Variants in TYK2 observed in about 807,000 individuals in gnomAD.
TYK2 encodes the protein tyrosine kinase 2, also known as non-receptor tyrosine-protein kinase TYK2.
Under a neutral mutation model 130.9 loss-of-function variants are expected in TYK2, and 65 were observed. The observed-to-expected ratio is 0.50, with a 90% CI of 0.41 to 0.61. The LOEUF is 0.61. TYK2 is among the 20% of genes least tolerant of loss of function. TYK2 has a pLI of 0.00. For missense variants in TYK2, 1,378 were observed against 1,610.7 expected (o/e 0.86, Z 2.47); for synonymous variants, 647 against 658.9 (o/e 0.98, Z 0.28).
chr19:10,368,586 A>G lies in TYK2; in HGVS notation c.194-168T>C, dbSNP rs760765295. ...GCAGAGGACAGTGCGTATGTTGCCC[A>G]TGCTGTGGCCTCACAGGAGGACTAC... On this transcript the variant is annotated intron_variant, in intron 3 of 24. Coordinates refer to ENST00000525621, the MANE Select transcript of TYK2 (RefSeq NM_003331.5). 2.5e-5 allele frequency: 23 copies of G among 922,426 alleles called. No individual in the cohort carries two copies. The East Asian group carries it at 6.0e-4, about 24-fold the overall frequency. 57.1% of individuals were successfully genotyped at this position (922,426 alleles called of 1,614,324 possible). A position where few individuals can be genotyped will look rare whatever the true frequency, so the allele number is the denominator to read the frequency against.
chr19:10,365,429 C>T (rs12720268), intron 7 of TYK2, 88 bp downstream of exon 7: 9 of 1,587,432 alleles, frequency 5.7e-6, no homozygotes, highest in East Asian at 4.5e-5. Context: ...TCAGGTCAGC[C>T]ACCCTCAGAG....
chr19:10,379,390 C>T (rs993084197), intron 2 of TYK2, among the ~76,000 whole-genome samples: 2 of 149,814 alleles, frequency 1.3e-5, no homozygotes, highest in Middle Eastern at 3.5e-3. Context: ...GGGCCAGGCG[C>T]GGTGGCTCAT....
chr19:10,369,105 G>C (rs978215441), intron 3 of TYK2, among the ~76,000 whole-genome samples: 2 of 152,198 alleles, frequency 1.3e-5, no homozygotes, highest in Admixed American at 1.3e-4. Context: ...CACTGTGCTC[G>C]GCCGATTTTA....
chr19:10,354,010 CAA>C, intron 20 of TYK2, 30 bp downstream of exon 20: 2 of 1,611,218 alleles, frequency 1.2e-6, no homozygotes, highest in Non-Finnish European at 1.7e-6. Flanking sequence ...CACGCCCCCT[CAA>C]GTCTCTAGGA....
intron 3 of TYK2, among the ~76,000 whole-genome samples, chr19:10,369,429 G>A (rs2041817772): frequency 1.3e-5 from 2 of 151,790 alleles, no homozygotes; most frequent in Non-Finnish European, 2.9e-5. Flanking sequence ...TGCAATCCTA[G>A]CTCACTGCAG....
At chr19:10,378,567 CCTCT>C (rs1407665337) in intron 2 of TYK2, 141 bp from the exon 3 acceptor site, 47 of 667,986 alleles carry the variant, frequency 7.0e-5, no homozygotes, top group Non-Finnish European at 1.1e-4. Context: ...GACCCGATTC[CCTCT>C]CTGAGTCTCG....
At position 10,378,293 on chromosome 19, in the gene TYK2, G is replaced by A. The variant is rs56295652; in HGVS notation, c.114C>T (p.Gly38=). The A allele has an allele frequency of 2.9e-5, 47 of 1,612,736 alleles. 1 individual carries two copies. The Admixed American group carries it at 4.0e-4, about 14-fold the overall frequency. The part of the protein sequence containing the change: ...LKVLLHWAGP[G]GGEPWVTFSE... ...TGAAAGTGACCCAGGGCTCCCCGCC[G>A]CCTGGACCAGCCCAGTGCAGAAGCA... The change falls in exon 3 of 25, where the codon GGC becomes GGT. Residue 38 remains glycine, a synonymous_variant. Transcript: ENST00000525621.
intron 5 of TYK2, among the ~76,000 whole-genome samples, chr19:10,367,350 G>A (rs774857118): frequency 3.3e-5 from 5 of 152,054 alleles, no homozygotes; most frequent in Non-Finnish European, 7.4e-5. Context: ...TCTTGGCTGG[G>A]CATGGTGGCT....
In TYK2 at chr19:10,357,815, C is replaced by T. The variant is rs2041176899; in HGVS notation, c.2415G>A (p.Leu805=). 3 of 1,613,568 alleles carry T rather than the reference C, an allele frequency of 1.9e-6. No homozygotes were observed. Among genetic ancestry groups the T allele is most frequent in the Non-Finnish European group, 1.7e-6 (2 of 1,179,956 alleles). The change falls in exon 17 of 25, where the codon CTG becomes CTA. Residue 805 remains leucine, a synonymous_variant. Transcript: ENST00000525621. ...GGGCCTCTCCGTCAAAGCAGATCTCCAGGAGGGTGGCGCCAAACCCCCACT... is the reference window on the plus strand; with the variant it reads ...GGGCCTCTCCGTCAAAGCAGATCTCTAGGAGGGTGGCGCCAAACCCCCACT... ...MDKWGFGATL[L]EICFDGEAPL...
chr19:10,380,461 T>G lies in TYK2; in HGVS notation c.-267A>C, dbSNP rs1332884103. On this transcript the variant is annotated 5_prime_UTR_variant, in exon 1 of 25. Transcript: ENST00000525621. ...AGCGCAGCCAGTCCCCGCGGCTTCTTCCTGAGGACCTCCGGCCGCGCTCCT... is the reference window on the plus strand; with the variant it reads ...AGCGCAGCCAGTCCCCGCGGCTTCTGCCTGAGGACCTCCGGCCGCGCTCCT... The G allele has an allele frequency of 3.9e-5, 6 of 152,554 alleles. No homozygotes were observed. The highest frequency in any genetic ancestry group is 8.8e-5 in the Non-Finnish European group (6 of 68,188). The allele number at this position is 152,554 out of a possible 1,614,324, so 9.5% of individuals were successfully genotyped here.
Position 10,359,327 on chromosome 19 carries a change from G to A in TYK2, c.2048-25C>T, listed in dbSNP as rs748710102. ...TCTGTAAAGACACAGCTGCTCTGGG[G>A]CAACCTGCCTGCTTCTGCCCTCTGG... is the stretch of plus-strand genomic sequence containing the variant. On this transcript the variant is annotated intron_variant, in intron 14 of 24. Coordinates refer to ENST00000525621, the MANE Select transcript of TYK2 (RefSeq NM_003331.5). The A allele has an allele frequency of 3.1e-6, 5 of 1,607,532 alleles. No homozygotes were observed. The East Asian group carries it at 6.7e-5, about 22-fold the overall frequency.
intron 18 of TYK2, 144 bp from the exon 19 acceptor site, chr19:10,354,753 C>A (rs2041001387): frequency 1.4e-6 from 1 of 712,724 alleles, no homozygotes; most frequent in African/African-American, 1.7e-5. Context: ...CTGAAAGAGT[C>A]CACTTATTGT....
At chr19:10,377,603 G>A (rs1490528162) in intron 3 of TYK2, among the ~76,000 whole-genome samples, 2 of 92,938 alleles carry the variant, frequency 2.2e-5, no homozygotes, top group Admixed American at 1.2e-4. Flanking sequence ...TGAATGGATG[G>A]ATGGGTGGAT....
Position 10,364,919 on chromosome 19 carries a change from G to A in TYK2, c.1141C>T (p.Arg381Trp), listed in dbSNP as rs201240289. The A allele has an allele frequency of 2.2e-4, 363 of 1,614,206 alleles. No individual in the cohort carries two copies. Among genetic ancestry groups the A allele is most frequent in the South Asian group, 2.0e-4 (18 of 91,088 alleles). Residue 381 changes from arginine (R) to tryptophan (W), a missense_variant, in exon 8 of 25, where the codon CGG (arginine) becomes TGG (tryptophan). Arg to Trp is a moderately radical substitution (Grantham distance 101). Transcript: ENST00000525621. The surrounding 1 kb of genome is among the most constrained non-coding windows in gnomAD (Gnocchi z 4.9). ...TTCAGCACCACGTGGGTGATGTCCCGGAAGTCACAGAAGTAGGCCCACAGT... is the reference window on the plus strand; with the variant it reads ...TTCAGCACCACGTGGGTGATGTCCCAGAAGTCACAGAAGTAGGCCCACAGT... ...EPLWAYFCDF[R>W]DITHVVLKEH...
intron 3 of TYK2, among the ~76,000 whole-genome samples, chr19:10,370,437 C>G (rs1177727218): frequency 6.6e-6 from 1 of 151,392 alleles, no homozygotes; most frequent in Non-Finnish European, 1.5e-5. Context: ...TCGCTTGAAC[C>G]CGGGAGGTGG....
intron 3 of TYK2, among the ~76,000 whole-genome samples, chr19:10,377,964 G>A (rs1171011999): frequency 7.6e-6 from 1 of 130,946 alleles, no homozygotes; most frequent in African/African-American, 3.0e-5. Context: ...GTGAATGGGT[G>A]GGTGAATGGG....
rs577896346 is a variant in TYK2 at position 10,365,800 on chromosome 19, C to G, written c.728G>C (p.Arg243Pro). 1.2e-6 allele frequency: 2 copies of G among 1,612,266 alleles called. No homozygotes were observed. The highest frequency in any genetic ancestry group is 2.2e-5 in the South Asian group (2 of 91,018). The change falls in exon 7 of 25, where the codon CGG (arginine) becomes CCG (proline). Residue 243 changes from arginine to proline, a missense_variant. Physicochemically the swap from Arg to Pro is moderately radical, Grantham distance 103 (BLOSUM62 -2). Coordinates refer to ENST00000525621, the MANE Select transcript of TYK2 (RefSeq NM_003331.5). ...GGAGAGTCGGCCCGGCTGGAAGTCC[C>G]GCAGGAACCTGCGGAAGACGTTCCG... ...RLRNVFRRFL[R>P]DFQPGRLSQQ...
intron 14 of TYK2, 44 bp from the exon 15 acceptor site, chr19:10,359,346 C>T (rs773286437): frequency 6.2e-7 from 1 of 1,602,070 alleles, no homozygotes; most frequent in Admixed American, 1.7e-5. Flanking sequence ...CTGCTTCTGC[C>T]CTCTGGATGG....
At chr19:10,359,352 G>T in intron 14 of TYK2, 50 bp from the exon 15 acceptor site, 1 of 1,598,048 alleles carries the variant, frequency 6.3e-7, no homozygotes, top group Non-Finnish European at 8.5e-7. Context: ...CTGCCCTCTG[G>T]ATGGCGGGGA....
Sources: gnomAD v4.1 joint callset for allele counts (sites outside exome capture counted in the v4.1 genomes callset) on GRCh38, gnomAD v4.1.1 for gene constraint, Gnocchi (gnomAD v3.1) non-coding constraint, MANE v1.5 for transcripts, NCBI Gene and HGNC (gene_info 2026-07-23, HGNC 2026-07-21) for gene names.